The following DCDC2 variants were observed in gnomAD, a reference collection of about 807,000 sequenced individuals.
DCDC2 encodes the protein doublecortin domain-containing protein 2.
A neutral mutation model predicts 50.2 loss-of-function variants in DCDC2; 40 were observed. The observed-to-expected ratio is 0.80, with a 90% CI of 0.62 to 1.04. The LOEUF (loss-of-function observed/expected upper bound fraction) is 1.04, where lower values mean the gene tolerates loss of function less well. Among genes scored for constraint, DCDC2 ranks in the 50% least tolerant of loss-of-function variants. DCDC2 has a pLI of 0.00. For missense variants in DCDC2, 570 were observed against 581.9 expected, an observed-to-expected ratio of 0.98 and a Z score of 0.21; for synonymous variants, 234 against 210.6, an observed-to-expected ratio of 1.11 and a Z score of -0.96.
At chr6:24,218,824 A>C (rs1762037997) in intron 7 of DCDC2, among the ~76,000 whole-genome samples, 1 of 152,248 alleles carries the variant, frequency 6.6e-6, no homozygotes, top group East Asian at 1.9e-4. Context: ...CTTTGGGGAA[A>C]AAAAGAAAAG....
chr6:24,348,232 G>C (rs1760303348), intron 2 of DCDC2, among the ~76,000 whole-genome samples: 1 of 152,316 alleles, frequency 6.6e-6, no homozygotes, highest in South Asian at 2.1e-4. Flanking sequence ...GGATTCTGAA[G>C]AGCTAAGGGA....
intron 7 of DCDC2, among the ~76,000 whole-genome samples, chr6:24,250,938 T>C (rs937900374): frequency 1.3e-5 from 2 of 152,130 alleles, no homozygotes; most frequent in South Asian, 2.1e-4. Flanking sequence ...TTTTGAACCA[T>C]TACTGATAAG....
intron 4 of DCDC2, among the ~76,000 whole-genome samples, chr6:24,294,221 T>C (rs1763812994): frequency 6.6e-6 from 1 of 152,028 alleles, no homozygotes; most frequent in Non-Finnish European, 1.5e-5. Flanking sequence ...TAGCTGGGTA[T>C]GGTGGCACAC....
chr6:24,220,868 G>GGGAGAGAGA (rs1382932090), intron 7 of DCDC2, among the ~76,000 whole-genome samples: 1 of 138,232 alleles, frequency 7.2e-6, no homozygotes, highest in African/African-American at 2.5e-5. Flanking sequence ...GAGACAGAGA[G>GGGAGAGAGA]CAAGAGAGCG....
chr6:24,212,593 A>G (rs1581589858), intron 7 of DCDC2, among the ~76,000 whole-genome samples: 1 of 152,202 alleles, frequency 6.6e-6, no homozygotes, highest in Non-Finnish European at 1.5e-5. Flanking sequence ...TAACAAACTA[A>G]AAAGCAAGGA....
At chr6:24,220,887 A>AGCGAGC (rs1554146345) in intron 7 of DCDC2, among the ~76,000 whole-genome samples, 4 of 114,940 alleles carry the variant, frequency 3.5e-5, no homozygotes, top group African/African-American at 1.1e-4. Flanking sequence ...CGAGAGCGAG[A>AGCGAGC]GAGTGAGCGA....
chr6:24,203,287 T>TA (rs1338242846), intron 8 of DCDC2, among the ~76,000 whole-genome samples: 1 of 152,036 alleles, frequency 6.6e-6, no homozygotes, highest in Non-Finnish European at 1.5e-5. Flanking sequence ...CCAAAACAGA[T>TA]ATATAGACCA....
chr6:24,178,442 T>C lies in DCDC2; in HGVS notation c.1214A>G (p.Asn405Ser), dbSNP rs549447263. 4 of 1,614,168 alleles carry C rather than the reference T, an allele frequency of 2.5e-6. No homozygotes were observed. The highest frequency in any genetic ancestry group is 1.1e-5 in the South Asian group (1 of 91,082). The change falls in exon 9 of 10, where the codon AAT (asparagine) becomes AGT (serine). Residue 405 changes from asparagine (N) to serine (S), a missense_variant. Transcript: ENST00000378454. Reference protein sequence around the residue: ...SEQQARPARVNGGTDEENGEE... With the variant: ...SEQQARPARVSGGTDEENGEE... ...ACCATTCTCCTCATCGGTGCCTCCA[T>C]TTACACGAGCAGGGCGTGCCTGCTG...
rs1760858791 is a variant in DCDC2, at chr6:24,174,592, G to A, written c.*138C>T. The stretch of plus-strand genomic sequence containing the variant: ...TTAAAGTTATCTGGTCTTTCCACTA[G>A]GCTTCTAATGTTATAATTCGTAGGT... On this transcript the variant is annotated 3_prime_UTR_variant, in exon 10 of 10. Coordinates refer to ENST00000378454, the MANE Select transcript of DCDC2 (RefSeq NM_016356.5). 2 of 520,504 alleles carry A rather than the reference G, an allele frequency of 3.8e-6. No individual in the cohort carries two copies. The highest frequency in any genetic ancestry group is 6.7e-6 in the Non-Finnish European group (2 of 298,652). The allele number at this position is 520,504 out of a possible 1,614,324, so 32.2% of individuals were successfully genotyped here.
chr6:24,300,536 G>A (rs903953107), intron 4 of DCDC2, among the ~76,000 whole-genome samples: 5 of 152,290 alleles, frequency 3.3e-5, no homozygotes, highest in African/African-American at 1.2e-4. Flanking sequence ...TTTGCCACAT[G>A]TAAAGTATTC....
chr6:24,227,713 C>G (rs1024975517), intron 7 of DCDC2, among the ~76,000 whole-genome samples: 8 of 152,192 alleles, frequency 5.3e-5, no homozygotes, highest in African/African-American at 1.9e-4. Flanking sequence ...AATCCACCTG[C>G]TGGTTTTGCT....
chr6:24,347,273 T>C (rs1462405819), intron 2 of DCDC2, among the ~76,000 whole-genome samples: 2 of 152,030 alleles, frequency 1.3e-5, no homozygotes, highest in East Asian at 3.9e-4. Flanking sequence ...TTGGTAGAGT[T>C]AAAAATCAAG....
chr6:24,261,040 A>G (rs933377014), intron 7 of DCDC2, among the ~76,000 whole-genome samples: 1 of 152,198 alleles, frequency 6.6e-6, no homozygotes, highest in Non-Finnish European at 1.5e-5. Context: ...GGAACTGTCT[A>G]TGCTTTTAAT....
At chr6:24,178,920 C>G (rs1414115054) in intron 8 of DCDC2, among the ~76,000 whole-genome samples, 1 of 152,086 alleles carries the variant, frequency 6.6e-6, no homozygotes, top group Non-Finnish European at 1.5e-5. Flanking sequence ...ACAGAAAGAG[C>G]CAGAGTTTGA....
the DCDC2 span, among the ~76,000 whole-genome samples, chr6:24,369,771 T>C: frequency 6.6e-6 from 1 of 152,156 alleles, no homozygotes; most frequent in Non-Finnish European, 1.5e-5. Context: ...CTAGGAGCAG[T>C]GGCTCATGCC....
intron 4 of DCDC2, among the ~76,000 whole-genome samples, chr6:24,296,492 C>T (rs960065011): frequency 6.6e-6 from 1 of 152,132 alleles, no homozygotes; most frequent in Non-Finnish European, 1.5e-5. Context: ...AACTTAAGAG[C>T]TTCTGCACAT....
chr6:24,187,056 C>T (rs1192518506), intron 8 of DCDC2, among the ~76,000 whole-genome samples: 2 of 152,064 alleles, frequency 1.3e-5, no homozygotes, highest in East Asian at 3.9e-4. Context: ...GTTATGGCAG[C>T]CCTAGCAAAC....
intron 2 of DCDC2, among the ~76,000 whole-genome samples, chr6:24,326,282 C>T (rs1303938982): frequency 6.7e-6 from 1 of 148,808 alleles, no homozygotes; most frequent in Non-Finnish European, 1.5e-5. Context: ...CCTACCACCT[C>T]TCTTTTTGAC....
At chr6:24,272,418 C>A (rs1177462747) in intron 7 of DCDC2, among the ~76,000 whole-genome samples, 1 of 152,064 alleles carries the variant, frequency 6.6e-6, no homozygotes, top group African/African-American at 2.4e-5. Context: ...GTACACATTG[C>A]CATTGAGATG....
Sources: allele counts gnomAD v4.1 joint callset (sites outside exome capture counted in the v4.1 genomes callset), GRCh38; gene constraint gnomAD v4.1.1; transcripts MANE v1.5; gene names NCBI Gene and HGNC (gene_info 2026-07-23, HGNC 2026-07-21).